Variants in GLDC observed in about 807,000 individuals in gnomAD.
GLDC encodes glycine decarboxylase.
In GLDC, 104 loss-of-function variants were observed where a neutral mutation model predicts 121.3. The observed-to-expected ratio is 0.86, with a 90% confidence interval of 0.73 to 1.01. GLDC has a LOEUF of 1.01. Among genes scored for constraint, GLDC ranks in the 50% least tolerant of loss-of-function variants. The pLI is 0.00. For missense variants in GLDC, 1,429 were observed against 1,306.6 expected (o/e 1.09, Z -1.44); for synonymous variants, 546 against 480.6 (o/e 1.14, Z -1.78).
At chr9:6,592,094 A>G (rs1445270586) in intron 11 of GLDC, 49 bp downstream of exon 11, 3 of 1,143,556 alleles carry the variant, frequency 2.6e-6, no homozygotes, top group Non-Finnish European at 2.7e-6. Flanking sequence ...TACTTTTGCT[A>G]CCACCTCCAA....
chr9:6,586,686 C>T (rs1338487990), intron 15 of GLDC, among the ~76,000 whole-genome samples: 1 of 152,202 alleles, frequency 6.6e-6, no homozygotes, highest in Non-Finnish European at 1.5e-5. Flanking sequence ...CCAAAATTCA[C>T]ACCCAGGTGT....
At chr9:6,634,676 G>A (rs1163419708) in intron 2 of GLDC, among the ~76,000 whole-genome samples, 2 of 152,196 alleles carry the variant, frequency 1.3e-5, no homozygotes, top group Non-Finnish European at 2.9e-5. Context: ...CCCATGGGCA[G>A]CTGTAGCTCC....
intron 8 of GLDC, among the ~76,000 whole-genome samples, chr9:6,599,638 T>C (rs1457517062): frequency 6.8e-6 from 1 of 147,818 alleles, no homozygotes; most frequent in Non-Finnish European, 1.5e-5. Context: ...AGAGAATCGC[T>C]GGAAACTGGA....
chr9:6,618,853 G>T (rs1297667776), intron 3 of GLDC, among the ~76,000 whole-genome samples: 2 of 152,022 alleles, frequency 1.3e-5, no homozygotes, highest in Admixed American at 6.6e-5. Context: ...CTAGAAGTAG[G>T]AGTGACTTGG....
At chr9:6,546,323 G>C (rs1196946748) in intron 21 of GLDC, among the ~76,000 whole-genome samples, 1 of 151,098 alleles carries the variant, frequency 6.6e-6, no homozygotes, top group African/African-American at 2.4e-5. Context: ...CTTCCAAGTA[G>C]CTGGGACTAC....
At chr9:6,605,465 A>G (rs1818710907) in intron 5 of GLDC, 187 bp from the exon 6 acceptor site, 2 of 652,130 alleles carry the variant, frequency 3.1e-6, no homozygotes, top group Admixed American at 2.1e-5. Flanking sequence ...AGCGCATCCA[A>G]CAGCTCTGCT....
At chr9:6,550,722 T>G (rs1027793459) in intron 21 of GLDC, 81 bp downstream of exon 21, 3 of 831,196 alleles carry the variant, frequency 3.6e-6, no homozygotes. Context: ...CTCTTGCCCA[T>G]GTCAGAAAAG....
At chr9:6,617,438 G>C (rs1818987453) in intron 3 of GLDC, among the ~76,000 whole-genome samples, 1 of 152,082 alleles carries the variant, frequency 6.6e-6, no homozygotes, top group Admixed American at 6.6e-5. Context: ...TGGCTGGAAT[G>C]CTGCAGCCCG....
At chr9:6,560,549 C>G (rs971706979) in intron 16 of GLDC, among the ~76,000 whole-genome samples, 2 of 152,178 alleles carry the variant, frequency 1.3e-5, no homozygotes, top group Admixed American at 6.5e-5. Flanking sequence ...ACTGTCCTCT[C>G]TCACAGGTAT....
intron 8 of GLDC, among the ~76,000 whole-genome samples, chr9:6,598,564 T>C (rs967496800): frequency 6.6e-6 from 1 of 151,044 alleles, no homozygotes; most frequent in Non-Finnish European, 1.5e-5. Context: ...AAGGCGGGGG[T>C]CAAAGACCTA....
In GLDC at chr9:6,636,321, T is replaced by C. The variant is rs535598842; in HGVS notation, c.334+8293A>G. 2.7e-5 allele frequency among the ~76,000 whole-genome samples: 4 copies of C among 150,854 alleles called. No individual in the cohort carries two copies. In the East Asian group the frequency reaches 6.0e-4, roughly 23 times the overall value. The stretch of plus-strand genomic sequence containing the variant: ...TCCGTCTCAAAAAAAAAAAAAACAC[T>C]TTGGGTGATAATGATGCATTAATGT... On this transcript the variant is annotated intron_variant, in intron 2 of 24. Transcript: ENST00000321612.
At chr9:6,558,986 G>C (rs1173251692) in intron 16 of GLDC, among the ~76,000 whole-genome samples, 3 of 152,112 alleles carry the variant, frequency 2.0e-5, no homozygotes, top group Non-Finnish European at 2.9e-5. Flanking sequence ...CCTTGTCTCA[G>C]TTAGGATACA....
chr9:6,540,592 A>G, intron 21 of GLDC: 1 of 200,464 alleles, frequency 5.0e-6, no homozygotes, highest in Non-Finnish European at 1.0e-5. Context: ...TCAAATAATT[A>G]CTTTTGCGTA....
intron 15 of GLDC, among the ~76,000 whole-genome samples, chr9:6,569,932 C>T (rs572376996): frequency 2.6e-5 from 4 of 152,152 alleles, no homozygotes; most frequent in East Asian, 3.9e-4. Context: ...TGTAAGATCG[C>T]GCCACTGCAC....
chr9:6,617,695 G>T (rs1446639540), intron 3 of GLDC, among the ~76,000 whole-genome samples: 1 of 152,200 alleles, frequency 6.6e-6, no homozygotes, highest in Non-Finnish European at 1.5e-5. Flanking sequence ...TGGAATGATT[G>T]TGCTGAGAGA....
intron 1 of GLDC, 124 bp downstream of exon 1, chr9:6,645,121 G>C: frequency 1.0e-6 from 1 of 995,860 alleles, no homozygotes; most frequent in East Asian, 2.7e-5. Flanking sequence ...GCCACGGCCC[G>C]GGACCCAGGG....
At chr9:6,608,456 C>G (rs1017683215) in intron 4 of GLDC, among the ~76,000 whole-genome samples, 1 of 147,520 alleles carries the variant, frequency 6.8e-6, no homozygotes, top group African/African-American at 2.5e-5. Context: ...AATAAATTAA[C>G]TCGGCCGGGC....
At chr9:6,558,503 C>G in intron 17 of GLDC, 56 bp downstream of exon 17, 1 of 1,597,902 alleles carries the variant, frequency 6.3e-7, no homozygotes, top group East Asian at 2.2e-5. Context: ...AGTCCCTGAT[C>G]CCCACCAGCA....
At chr9:6,586,070 C>T (rs540757735) in intron 15 of GLDC, among the ~76,000 whole-genome samples, 13 of 152,130 alleles carry the variant, frequency 8.5e-5, no homozygotes, top group East Asian at 3.9e-4. Flanking sequence ...CCGAGCCAGG[C>T]GGATCACCTG....
Sources: gnomAD v4.1 joint callset for allele counts (sites outside exome capture counted in the v4.1 genomes callset) on GRCh38, gnomAD v4.1.1 for gene constraint, MANE v1.5 for transcripts, NCBI Gene and HGNC (gene_info 2026-07-23, HGNC 2026-07-21) for gene names.